The following CCDC14 variants were observed in gnomAD, a reference collection of about 807,000 sequenced individuals.
CCDC14 encodes the protein coiled-coil domain containing 14.
Under a neutral mutation model 81.4 loss-of-function variants are expected in CCDC14, and 71 were observed. That is an observed-to-expected ratio of 0.87 (90% confidence interval 0.72 to 1.06). CCDC14 has a LOEUF of 1.06. Among genes scored for constraint, CCDC14 ranks in the 50% least tolerant of loss-of-function variants. CCDC14 has a pLI of 0.00. For missense variants in CCDC14, 1,046 were observed against 1,047.3 expected, an observed-to-expected ratio of 1.00 and a Z score of 0.02; for synonymous variants, 332 against 364.8, an observed-to-expected ratio of 0.91 and a Z score of 1.03.
At chr3:123,890,346 C>A in the CCDC14 span, among the ~76,000 whole-genome samples, 1 of 152,202 alleles carries the variant, frequency 6.6e-6, no homozygotes, top group African/African-American at 2.4e-5. Flanking sequence ...AATCTTAAAT[C>A]ATTTCAGCAT....
At chr3:123,908,173 G>A (rs1410025576) in intron 5 of CCDC14, among the ~76,000 whole-genome samples, 1 of 152,144 alleles carries the variant, frequency 6.6e-6, no homozygotes, top group African/African-American at 2.4e-5. Flanking sequence ...GCAACCCAAA[G>A]CTAAAATTCT....
At chr3:123,925,822 T>C (rs1307218882) in intron 12 of CCDC14, among the ~76,000 whole-genome samples, 2 of 152,210 alleles carry the variant, frequency 1.3e-5, no homozygotes, top group African/African-American at 2.4e-5. Flanking sequence ...AGTGAGATGA[T>C]GGACATTTAA....
chr3:123,960,796 G>A (rs1213927326), intron 1 of CCDC14, among the ~76,000 whole-genome samples: 2 of 152,180 alleles, frequency 1.3e-5, no homozygotes, highest in African/African-American at 4.8e-5. Context: ...CTAAGGAATA[G>A]GAAGTTCTGA....
downstream of CCDC14, among the ~76,000 whole-genome samples, chr3:123,909,886 GA>G (rs746374742): frequency 1.4e-4 from 21 of 152,186 alleles, no homozygotes; most frequent in Non-Finnish European, 2.8e-4. Context: ...AGGCAACTGA[GA>G]ATCACAACAT....
chr3:123,892,994 T>C (rs2034011643), downstream of CCDC14, among the ~76,000 whole-genome samples: 1 of 152,062 alleles, frequency 6.6e-6, no homozygotes, highest in Non-Finnish European at 1.5e-5. Context: ...TTAGTAGAGA[T>C]GGGGTTTCAC....
intron 5 of CCDC14, among the ~76,000 whole-genome samples, chr3:123,950,879 A>C (rs2036975760): frequency 6.6e-6 from 1 of 152,200 alleles, no homozygotes; most frequent in African/African-American, 2.4e-5. Flanking sequence ...TAAAAGTGTA[A>C]AACTTCCATG....
At chr3:123,958,064 T>A (rs1029789070) in intron 1 of CCDC14, 6 of 152,064 alleles carry the variant, frequency 3.9e-5, no homozygotes, top group Non-Finnish European at 8.8e-5. Context: ...GAGTTATACG[T>A]CTTGAGATAA....
At chr3:123,940,024 A>T (rs1005135039) in intron 9 of CCDC14, among the ~76,000 whole-genome samples, 2 of 151,694 alleles carry the variant, frequency 1.3e-5, no homozygotes, top group African/African-American at 2.4e-5. Flanking sequence ...TATTATATAT[A>T]TTTTACCATA....
downstream of CCDC14, among the ~76,000 whole-genome samples, chr3:123,895,973 C>A (rs2034055160): frequency 6.6e-6 from 1 of 152,196 alleles, no homozygotes; most frequent in East Asian, 1.9e-4. Flanking sequence ...CATTCCCATG[C>A]TCATTGCAGC....
rs140302643 is a variant in CCDC14 at position 123,916,691 on chromosome 3, C to T, written c.1779-973G>A. ...TAACCTTTCTGAATCTCTAGTTCCT[C>T]AGCTGTAAAATGAAGATATTTCCGA... On this transcript the variant is annotated intron_variant, in intron 12 of 12. Transcript: ENST00000409697. Among the ~76,000 whole-genome samples, 395 of 152,128 alleles carry T rather than the reference C, an allele frequency of 2.6e-3. 2 individuals carry two copies. The highest frequency in any genetic ancestry group is 9.2e-3 in the African/African-American group (383 of 41,480).
intron 12 of CCDC14, among the ~76,000 whole-genome samples, chr3:123,925,132 TA>T (rs139948399): frequency 0.23 from 33,741 of 145,234 alleles, 8,338 homozygotes; most frequent in East Asian, 0.78. Flanking sequence ...TACTCAGCCT[TA>T]AAAAAAAAAC....
rs1577311236 is a variant in CCDC14 at position 123,945,468 on chromosome 3, T to C, written c.1202-478A>G. On this transcript the variant is annotated intron_variant, in intron 8 of 12. Transcript: ENST00000409697. ...AATATTGAGTGAGGGTCTGCTAAGATAGTTTCATTACTTAATTTTCTAAAG... is the reference window on the plus strand; with the variant it reads ...AATATTGAGTGAGGGTCTGCTAAGACAGTTTCATTACTTAATTTTCTAAAG... 3.3e-5 allele frequency among the ~76,000 whole-genome samples: 5 copies of C among 152,282 alleles called. No individual in the cohort carries two copies. In the East Asian group the frequency reaches 9.6e-4, roughly 29 times the overall value.
In CCDC14 at chr3:123,914,070, A is replaced by AC; in HGVS notation, c.*708dup. The AC allele has an allele frequency of 3.0e-6, 3 of 985,454 alleles. No homozygotes were observed. The highest frequency in any genetic ancestry group is 3.6e-6 in the Non-Finnish European group (3 of 829,598). The allele number at this position is 985,454 out of a possible 1,614,324, so 61.0% of individuals were successfully genotyped here. A position where few individuals can be genotyped will look rare whatever the true frequency, so the allele number is the denominator to read the frequency against. ...AATAAACATTTCTTATTTAAAAAAA[A>AC]CCCACAAATTTCCCCAACTATAGCT... On this transcript the variant is annotated 3_prime_UTR_variant, in exon 13 of 13. Transcript: ENST00000409697.
At chr3:123,917,652 A>ATT (rs56023403) in intron 12 of CCDC14, among the ~76,000 whole-genome samples, 16,356 of 150,258 alleles carry the variant, frequency 0.11, 1,973 homozygotes, top group East Asian at 0.42. Context: ...TTTAAAAATG[A>ATT]TTTTTTTTTT....
rs529600753 is a variant in CCDC14, at chr3:123,914,728, T to C, written c.*51A>G. ...ACTAAAGAAAAATACACATTCAATA[T>C]AGCCAAGTTCTAGTTTTAAAAAGAA... On this transcript the variant is annotated 3_prime_UTR_variant, in exon 13 of 13. Coordinates refer to ENST00000409697, the MANE Select transcript of CCDC14 (RefSeq NM_001366335.1). 2.3e-5 allele frequency: 34 copies of C among 1,460,418 alleles called. No homozygotes were observed. In the African/African-American group the frequency reaches 3.4e-4, roughly 15 times the overall value. The allele number at this position is 1,460,418 out of a possible 1,614,324, so 90.5% of individuals were successfully genotyped here. A position where few individuals can be genotyped will look rare whatever the true frequency, so the allele number is the denominator to read the frequency against.
chr3:123,934,701 C>T (rs1008718701), intron 9 of CCDC14, among the ~76,000 whole-genome samples: 8 of 152,120 alleles, frequency 5.3e-5, no homozygotes, highest in African/African-American at 9.7e-5. Flanking sequence ...AAGAAGTTAT[C>T]GCTTATGGGG....
chr3:123,904,806 C>T (rs561865494), intron 5 of CCDC14, among the ~76,000 whole-genome samples: 216 of 152,202 alleles, frequency 1.4e-3, no homozygotes, highest in African/African-American at 5.0e-3. Flanking sequence ...ATAAATTCTA[C>T]GCAATTCTAA....
At chr3:123,948,838 A>T in intron 6 of CCDC14, 53 bp from the exon 7 acceptor site, 1 of 1,582,994 alleles carries the variant, frequency 6.3e-7, no homozygotes, top group Non-Finnish European at 8.6e-7. Context: ...TTTATACAGT[A>T]ACCAAGCAAT....
Position 123,948,733 on chromosome 3 carries a change from G to C in CCDC14, c.642C>G (p.Val214=). 6.2e-7 allele frequency: 1 copy of C among 1,603,388 alleles called. No individual in the cohort carries two copies. Among genetic ancestry groups the C allele is most frequent in the Non-Finnish European group, 8.5e-7 (1 of 1,177,396 alleles). ...SSYGLCTSTP[V]WSLQRPPCPP... ...GGCAGGGTGGCCGCTGAAGTGACCA[G>C]ACTGGGGTGGAGGTACATAAGCCAT... Residue 214 remains valine, a synonymous_variant, in exon 7 of 13, where the codon GTC becomes GTG. Coordinates refer to ENST00000409697, the MANE Select transcript of CCDC14 (RefSeq NM_001366335.1).
Sources: allele counts gnomAD v4.1 joint callset (sites outside exome capture counted in the v4.1 genomes callset), GRCh38; gene constraint gnomAD v4.1.1; transcripts MANE v1.5; gene names NCBI Gene and HGNC (gene_info 2026-07-23, HGNC 2026-07-21).